Variants in MAN1B1 observed in about 807,000 individuals in gnomAD.
MAN1B1 encodes the protein mannosidase alpha class 1B member 1, also known as endoplasmic reticulum mannosyl-oligosaccharide 1,2-alpha-mannosidase.
In MAN1B1, 66 loss-of-function variants were observed where a neutral mutation model predicts 75.5. The observed-to-expected ratio is 0.87, with a 90% CI of 0.72 to 1.07. The LOEUF (loss-of-function observed/expected upper bound fraction) is 1.07. Ranked by LOEUF, MAN1B1 falls within the 50% of genes least tolerant of loss-of-function variation. The pLI is 0.00. For synonymous variants in MAN1B1, 453 were observed against 382.8 expected (o/e 1.18, Z -2.14); for missense variants, 973 against 912.5 (o/e 1.07, Z -0.85).
chr9:137,100,906 C>G, intron 6 of MAN1B1, 99 bp from the exon 7 acceptor site: 1 of 1,386,578 alleles, frequency 7.2e-7, no homozygotes, highest in Non-Finnish European at 1.0e-6. Flanking sequence ...AGGCATGAGC[C>G]ACCACGCCCA....
chr9:137,098,472 G>A, intron 5 of MAN1B1, among the ~76,000 whole-genome samples: 1 of 152,220 alleles, frequency 6.6e-6, no homozygotes, highest in South Asian at 2.1e-4. Flanking sequence ...CTCATGGCAG[G>A]TCGCTGAGTC....
chr9:137,098,760 C>G (rs889817872), intron 5 of MAN1B1, among the ~76,000 whole-genome samples: 1 of 152,052 alleles, frequency 6.6e-6, no homozygotes, highest in Non-Finnish European at 1.5e-5. Context: ...AATCCCAGCA[C>G]TTTGGGAGGC....
intron 5 of MAN1B1, 37 bp downstream of exon 5, chr9:137,097,974 T>C (rs1419303844): frequency 1.3e-6 from 2 of 1,483,002 alleles, no homozygotes; most frequent in East Asian, 2.5e-5. Context: ...CCCCGGGCGC[T>C]CAGGGGCTGG....
At chr9:137,102,153 T>G (rs1252331238) in intron 8 of MAN1B1, 2 of 446,660 alleles carry the variant, frequency 4.5e-6, no homozygotes, top group Non-Finnish European at 9.0e-6. Flanking sequence ...AGGTCGGTGC[T>G]GTTACACACA....
intron 3 of MAN1B1, among the ~76,000 whole-genome samples, chr9:137,091,957 T>C (rs535113751): frequency 6.6e-6 from 1 of 152,366 alleles, no homozygotes; most frequent in Admixed American, 6.5e-5. Flanking sequence ...CACACCTGTC[T>C]GATTTCAAAT....
intron 5 of MAN1B1, among the ~76,000 whole-genome samples, chr9:137,098,390 C>T (rs1830714458): frequency 1.3e-5 from 2 of 152,238 alleles, no homozygotes; most frequent in South Asian, 2.1e-4. Context: ...AGCCACTCAC[C>T]CTCCCGTTCT....
chr9:137,103,576 CACTT>C (rs1246439113), intron 8 of MAN1B1: 4 of 444,552 alleles, frequency 9.0e-6, no homozygotes, highest in Admixed American at 2.4e-5. Context: ...CACACATTCA[CACTT>C]GCAGGCGTGC....
rs969619464 is a variant in MAN1B1, at chr9:137,096,311, G to A, written c.540G>A (p.Gly180=). 3 of 1,613,956 alleles carry A rather than the reference G, an allele frequency of 1.9e-6. No homozygotes were observed. The highest frequency in any genetic ancestry group is 2.5e-6 in the Non-Finnish European group (3 of 1,179,894). ...IRPPSQDLKD[G]TQEEATKRQE... The stretch of plus-strand genomic sequence containing the variant: ...CCCCAAGCCAAGACCTGAAGGATGG[G>A]ACCCAGGAGGAGGCCACAAAAAGGC... The change falls in exon 4 of 13, where the codon GGG becomes GGA. Residue 180 remains glycine (G), a synonymous_variant. Transcript: ENST00000371589.
Position 137,108,735 on chromosome 9 carries a change from T to C in MAN1B1, c.*144T>C, listed in dbSNP as rs1351774413. 3.8e-6 allele frequency: 3 copies of C among 788,490 alleles called. No individual in the cohort carries two copies. Among genetic ancestry groups the C allele is most frequent in the Non-Finnish European group, 6.6e-6 (3 of 454,652 alleles). 48.8% of individuals were successfully genotyped at this position (788,490 alleles called of 1,614,324 possible). A position where few individuals can be genotyped will look rare whatever the true frequency, so the allele number is the denominator to read the frequency against. On this transcript the variant is annotated 3_prime_UTR_variant, in exon 13 of 13. Coordinates refer to ENST00000371589, the MANE Select transcript of MAN1B1 (RefSeq NM_016219.5). ...GCTCTGGGCTCCTCCTCGTCTCTGC[T>C]TTAATCAGGACACCGTGAGGACAAG...
chr9:137,099,929 G>C, intron 6 of MAN1B1, 48 bp downstream of exon 6: 1 of 1,599,254 alleles, frequency 6.3e-7, no homozygotes, highest in Non-Finnish European at 8.6e-7. Flanking sequence ...TGTGGGCCTC[G>C]TGTGCTGAGG....
At chr9:137,108,228 C>A in intron 12 of MAN1B1, 160 bp from the exon 13 acceptor site, 1 of 682,948 alleles carries the variant, frequency 1.5e-6, no homozygotes, top group Non-Finnish European at 2.6e-6. Context: ...TCCGGTGGAA[C>A]CACACGGCTC....
At chr9:137,107,843 A>G in intron 12 of MAN1B1, 181 bp downstream of exon 12, 1 of 773,996 alleles carries the variant, frequency 1.3e-6, no homozygotes, top group Non-Finnish European at 2.2e-6. Flanking sequence ...CCCCATCCCC[A>G]CTGAGCTTCA....
intron 9 of MAN1B1, 98 bp from the exon 10 acceptor site, chr9:137,106,582 GGCCAGGCCT>G (rs1831116204): frequency 6.4e-7 from 1 of 1,568,690 alleles, no homozygotes; most frequent in African/African-American, 1.3e-5. Flanking sequence ...GTCCGGCAAG[GGCCAGGCCT>G]GCTGTACTTG....
rs1475668678 is a variant in MAN1B1, at chr9:137,088,967, G to A, written c.427G>A (p.Asp143Asn). The change falls in exon 3 of 13, where the codon GAC becomes AAC. Residue 143 changes from aspartate (D) to asparagine (N), a missense_variant. Coordinates refer to ENST00000371589, the MANE Select transcript of MAN1B1 (RefSeq NM_016219.5). ...CGTCTTACCAGCTCCTCAGAAGGCG[G>A]ACACCGACCCTGAGAACTTACCTGA... ...PPVLPAPQKA[D>N]TDPENLPEIS... 6.2e-6 allele frequency: 10 copies of A among 1,613,882 alleles called. No individual in the cohort carries two copies. Among genetic ancestry groups the A allele is most frequent in the Non-Finnish European group, 8.5e-6 (10 of 1,180,028 alleles).
At position 137,108,427 on chromosome 9, in the gene MAN1B1, G is replaced by A; in HGVS notation, c.1936G>A (p.Asp646Asn). The change falls in exon 13 of 13, where the codon GAT becomes AAT. Residue 646 changes from aspartate (D) to asparagine (N), a missense_variant. Transcript: ENST00000371589. ...GGYSSINNVQ[D>N]PQKPEPRDKM... ...CTATTCTTCCATCAACAATGTCCAG[G>A]ATCCTCAGAAGCCCGAGCCTAGGGA... 6.2e-7 allele frequency: 1 copy of A among 1,613,874 alleles called. No individual in the cohort carries two copies. Among genetic ancestry groups the A allele is most frequent in the Non-Finnish European group, 8.5e-7 (1 of 1,180,008 alleles).
intron 3 of MAN1B1, among the ~76,000 whole-genome samples, chr9:137,091,841 A>G (rs1017086986): frequency 1.3e-5 from 2 of 152,150 alleles, no homozygotes; most frequent in African/African-American, 4.8e-5. Flanking sequence ...ATTATTTAAT[A>G]GAGATGAGGT....
intron 5 of MAN1B1, 89 bp downstream of exon 5, chr9:137,098,026 C>A: frequency 1.0e-6 from 1 of 1,004,192 alleles, no homozygotes; most frequent in Non-Finnish European, 1.5e-6. Flanking sequence ...TGGTGGGTGG[C>A]GCCCCCGCCC....
rs375902720 is a variant in MAN1B1, at chr9:137,099,688, C to G, written c.731-8C>G. ...CCGCCATGGCCTGTGCTCTCTCCCC[C>G]CTACTAGTGCATCTGAACTATCGCC... On this transcript the variant is annotated splice_polypyrimidine_tract_variant and splice_region_variant and intron_variant, in intron 5 of 12. Transcript: ENST00000371589. 1.9e-5 allele frequency: 30 copies of G among 1,614,106 alleles called. No homozygotes were observed. Among genetic ancestry groups the G allele is most frequent in the African/African-American group, 4.0e-5 (3 of 75,080 alleles).
intron 12 of MAN1B1, chr9:137,108,043 T>C: frequency 1.6e-6 from 1 of 609,668 alleles, no homozygotes; most frequent in East Asian, 2.7e-5. Flanking sequence ...CACGCCAGAG[T>C]GTCACTTCCT....
Sources: gnomAD v4.1 joint callset for allele counts (sites outside exome capture counted in the v4.1 genomes callset) on GRCh38, gnomAD v4.1.1 for gene constraint, MANE v1.5 for transcripts, NCBI Gene and HGNC (gene_info 2026-07-23, HGNC 2026-07-21) for gene names.